Variants in TNXB observed in about 807,000 individuals in gnomAD.
TNXB encodes tenascin-X.
Under a neutral mutation model 340.5 loss-of-function variants are expected in TNXB, and 183 were observed. The ratio of observed to expected loss-of-function variants is 0.54; its 90% CI spans 0.48 to 0.61. TNXB has a LOEUF of 0.61. Among genes scored for constraint, TNXB ranks in the 20% least tolerant of loss-of-function variants. The pLI is 0.00. For missense variants in TNXB, 4,613 were observed against 5,446.4 expected, an observed-to-expected ratio of 0.85 and a Z score of 4.82; for synonymous variants, 2,121 against 2,314.5, an observed-to-expected ratio of 0.92 and a Z score of 2.40.
intron 19 of TNXB, among the ~76,000 whole-genome samples, chr6:32,063,922 T>C (rs1778173924): frequency 6.6e-6 from 1 of 152,250 alleles, no homozygotes; most frequent in Non-Finnish European, 1.5e-5. Flanking sequence ...AAAGTAATAG[T>C]ATCCATGTTA....
chr6:32,097,830 C>G lies in TNXB; in HGVS notation c.369G>C (p.Gly123=), dbSNP rs1409836922. ...LVKGLKEQCT[G]GCCPASAQAG... ...CTTGGGCAGAGGCAGGACAACATCC[C>G]CCAGTGCACTGTTCCTTGAGCCCCT... Residue 123 remains glycine (G), a synonymous_variant, in exon 2 of 44, where the codon GGG becomes GGC. Coordinates refer to ENST00000644971, the MANE Select transcript of TNXB (RefSeq NM_001365276.2). The surrounding 1 kb of genome is among the most constrained non-coding windows in gnomAD (Gnocchi z 5.9). 5 of 1,514,522 alleles carry G rather than the reference C, an allele frequency of 3.3e-6. No homozygotes were observed. The highest frequency in any genetic ancestry group is 4.4e-6 in the Non-Finnish European group (5 of 1,128,484). The allele number at this position is 1,514,522 out of a possible 1,614,324, so 93.8% of individuals were successfully genotyped here.
At position 32,042,851 on chromosome 6, in the gene TNXB, G is replaced by C; in HGVS notation, c.11926-20C>G. The C allele has an allele frequency of 6.1e-6, 3 of 487,850 alleles. No homozygotes were observed. Among genetic ancestry groups the C allele is most frequent in the Non-Finnish European group, 1.0e-5 (3 of 288,276 alleles). The allele number at this position is 487,850 out of a possible 1,614,324, so 30.2% of individuals were successfully genotyped here. ...GATCTCCTGTGGGACAGACAAGGGG[G>C]GGTCAGGGGAGAGGGAGGTGGAGAC... On this transcript the variant is annotated intron_variant, in intron 38 of 43. Coordinates refer to ENST00000644971, the MANE Select transcript of TNXB (RefSeq NM_001365276.2).
rs1355075529 is a variant in TNXB at position 32,073,187 on chromosome 6, G to C, written c.4681+460C>G. Among the ~76,000 whole-genome samples the C allele has an allele frequency of 6.6e-6, 1 of 152,076 alleles. No individual in the cohort carries two copies. The highest frequency in any genetic ancestry group is 3.2e-3 in the Middle Eastern group (1 of 316). ...GGAGAGATGAAAACTCTCCAGGGCT[G>C]GGATGGAATGCAGTGCAGGCAGGTG... is the stretch of plus-strand genomic sequence containing the variant. On this transcript the variant is annotated intron_variant, in intron 12 of 43. Transcript: ENST00000644971. This position sits in a 1 kb window ranked among gnomAD's most constrained non-coding sequence, Gnocchi z 4.6.
In TNXB at chr6:32,074,080, G is replaced by A. The variant is rs968029260; in HGVS notation, c.4376-128C>T. On this transcript the variant is annotated intron_variant, in intron 11 of 43. Transcript: ENST00000644971. This position sits in a 1 kb window ranked among gnomAD's most constrained non-coding sequence, Gnocchi z 5.5. Reference sequence around the variant, plus strand: ...CTCGCTGTCACCCAGAGCAGTGGGCGACCTCGGCTCACTGCAGCCTCTGCC... The same window carrying A: ...CTCGCTGTCACCCAGAGCAGTGGGCAACCTCGGCTCACTGCAGCCTCTGCC... 40 of 899,288 alleles carry A rather than the reference G, an allele frequency of 4.4e-5. No homozygotes were observed. The highest frequency in any genetic ancestry group is 5.6e-5 in the Non-Finnish European group (35 of 629,186). 55.7% of individuals were successfully genotyped at this position (899,288 alleles called of 1,614,324 possible). A position where few individuals can be genotyped will look rare whatever the true frequency, so the allele number is the denominator to read the frequency against.
In TNXB at chr6:32,098,106, A is replaced by T. The variant is rs1235484577; in HGVS notation, c.93T>A (p.Asn31Lys). The T allele has an allele frequency of 6.2e-7, 1 of 1,602,744 alleles. No homozygotes were observed. The highest frequency in any genetic ancestry group is 8.5e-7 in the Non-Finnish European group (1 of 1,175,026). Reference protein sequence around the residue: ...ARAGPFSSRSNVTLPAPRPPP... With the variant: ...ARAGPFSSRSKVTLPAPRPPP... ...GGGGCCGGGGGGCTGGCAGTGTCAC[A>T]TTGGACCGTGAAGAGAAGGGGCCTG... is the stretch of plus-strand genomic sequence containing the variant. The change falls in exon 2 of 44, where the codon AAT becomes AAA. Residue 31 changes from asparagine to lysine, a missense_variant. Coordinates refer to ENST00000644971, the MANE Select transcript of TNXB (RefSeq NM_001365276.2).
chr6:32,050,735 C>T (rs1777238881), intron 26 of TNXB, among the ~76,000 whole-genome samples: 1 of 152,140 alleles, frequency 6.6e-6, no homozygotes, highest in African/African-American at 2.4e-5. Context: ...CAGCCCCTCA[C>T]CAGCTGCCAG....
chr6:32,088,137 G>T (rs559304487), intron 6 of TNXB, among the ~76,000 whole-genome samples: 7 of 152,280 alleles, frequency 4.6e-5, no homozygotes, highest in African/African-American at 1.7e-4. Flanking sequence ...AGAACGGAGG[G>T]AAATCGGTCA....
intron 1 of TNXB, among the ~76,000 whole-genome samples, chr6:32,106,749 G>GGA (rs1308929337): frequency 6.6e-6 from 1 of 152,188 alleles, no homozygotes; most frequent in African/African-American, 2.4e-5. Flanking sequence ...CTCTCAGCCT[G>GGA]GAGTGTAGCC....
Position 32,092,702 on chromosome 6 carries a change from A to AAAG in TNXB, c.2358+2373_2358+2374insCTT, listed in dbSNP as rs1168501233. Among the ~76,000 whole-genome samples the AAAG allele has an allele frequency of 7.3e-5, 11 of 150,488 alleles. No individual in the cohort carries two copies. The East Asian group carries it at 1.9e-3, about 26-fold the overall frequency. Reference sequence around the variant, plus strand: ...CAAAACTCTGTCTCAAAAAAAAAAAAAAAGAAAGAAAGAAAAGAAAAGAAA... The same window carrying AAAG: ...CAAAACTCTGTCTCAAAAAAAAAAAAAAGAAAGAAAGAAAGAAAAGAAAAGAAA... On this transcript the variant is annotated intron_variant, in intron 4 of 43. Transcript: ENST00000644971.
intron 11 of TNXB, among the ~76,000 whole-genome samples, chr6:32,077,710 G>A (rs1420552228): frequency 6.6e-6 from 1 of 152,234 alleles, no homozygotes; most frequent in East Asian, 1.9e-4. Flanking sequence ...TTGCTGTAAA[G>A]TCACTCACTG....
intron 6 of TNXB, 130 bp from the exon 7 acceptor site, chr6:32,086,248 G>C: frequency 8.9e-7 from 1 of 1,127,944 alleles, no homozygotes; most frequent in East Asian, 2.6e-5. Context: ...TCCCTCACCT[G>C]GGCCACTCCC....
In TNXB at chr6:32,053,555, A is replaced by C; in HGVS notation, c.8624T>G (p.Leu2875Arg). The C allele has an allele frequency of 1.2e-6, 2 of 1,613,676 alleles. No individual in the cohort carries two copies. Among genetic ancestry groups the C allele is most frequent in the Non-Finnish European group, 1.7e-6 (2 of 1,179,862 alleles). Residue 2875 changes from leucine (L) to arginine (R), a missense_variant, in exon 25 of 44, where the codon CTG (leucine) becomes CGG (arginine). Leu to Arg is a moderately radical substitution (Grantham distance 102). Transcript: ENST00000644971. ...MVPEGQFDHF[L>R]VQYRNGDGQP... ...CCCATCCCCATTCCTGTACTGGACCAGGAAGTGGTCAAACTGGCCCTCGGG... is the reference window on the plus strand; with the variant it reads ...CCCATCCCCATTCCTGTACTGGACCCGGAAGTGGTCAAACTGGCCCTCGGG...
intron 21 of TNXB, among the ~76,000 whole-genome samples, chr6:32,059,572 C>T (rs1777889568): frequency 6.6e-6 from 1 of 151,906 alleles, no homozygotes; most frequent in Admixed American, 6.6e-5. Flanking sequence ...CTGTGGTTCC[C>T]CACAGTGGAG....
rs1297400932 is a variant in TNXB at position 32,053,664 on chromosome 6, G to A, written c.8515C>T (p.Pro2839Ser). 2 of 1,613,148 alleles carry A rather than the reference G, an allele frequency of 1.2e-6. No individual in the cohort carries two copies. The highest frequency in any genetic ancestry group is 1.7e-5 in the Admixed American group (1 of 60,002). Residue 2839 changes from proline (P) to serine (S), a missense_variant, in exon 25 of 44, where the codon CCT (proline) becomes TCT (serine). Pro to Ser is a moderately conservative substitution (Grantham distance 74, BLOSUM62 -1). This residue lies in a region of TNXB where 4,327 missense variants were observed against 4,859.4 expected (regional missense o/e 0.89). Coordinates refer to ENST00000644971, the MANE Select transcript of TNXB (RefSeq NM_001365276.2). ...AGGCGAGGCTTGTTGGGGGGCTCAG[G>A]GGTTGTGGTGGGCACTGCTTGGGTG... ...ETTQAVPTTT[P>S]EPPNKPRLGE...
Position 32,084,449 on chromosome 6 carries a change from T to C in TNXB, c.3409A>G (p.Lys1137Glu), listed in dbSNP as rs770173982. 1 of 1,597,764 alleles carries C rather than the reference T, an allele frequency of 6.3e-7. No individual in the cohort carries two copies. The highest frequency in any genetic ancestry group is 8.5e-7 in the Non-Finnish European group (1 of 1,170,638). The change falls in exon 8 of 44, where the codon AAG becomes GAG. Residue 1137 changes from lysine (K) to glutamate (E), a missense_variant. Lys to Glu is a moderately conservative substitution (Grantham distance 56). Coordinates refer to ENST00000644971, the MANE Select transcript of TNXB (RefSeq NM_001365276.2). The surrounding 1 kb of genome is among the most constrained non-coding windows in gnomAD (Gnocchi z 5.5). ...KFVLYGFVGK[K>E]RHGPLVAEAK... is the part of the protein sequence containing the mutation. Reference sequence around the variant, plus strand: ...TCAGCCACCAGCGGACCATGCCTCTTCTTGCCAACAAACCCATACAGGACA... The same window carrying C: ...TCAGCCACCAGCGGACCATGCCTCTCCTTGCCAACAAACCCATACAGGACA...
chr6:32,065,064 T>A lies in TNXB; in HGVS notation c.6598A>T (p.Met2200Leu). The A allele has an allele frequency of 6.2e-7, 1 of 1,603,090 alleles. No homozygotes were observed. The highest frequency in any genetic ancestry group is 8.5e-7 in the Non-Finnish European group (1 of 1,175,496). The change falls in exon 19 of 44, where the codon ATG becomes TTG. Residue 2200 changes from methionine to leucine, a missense_variant. This residue lies in a region of TNXB where 4,327 missense variants were observed against 4,859.4 expected (regional missense o/e 0.89). Transcript: ENST00000644971. ...TCGGAGGTGATGTCTCTCACTGTCA[T>A]CTGCCCTAGGCGCAGCTTTGCAAGA... ...APLAKLRLGQMTVRDITSDSL... is the reference protein window; with the variant it reads ...APLAKLRLGQLTVRDITSDSL...
intron 1 of TNXB, among the ~76,000 whole-genome samples, chr6:32,101,587 C>CATTTT: frequency 7.6e-6 from 1 of 131,912 alleles, no homozygotes; most frequent in African/African-American, 3.0e-5. Flanking sequence ...CCGCACCCAG[C>CATTTT]CTTTTTTTTT....
At chr6:32,094,269 C>T (rs1780213884) in intron 4 of TNXB, among the ~76,000 whole-genome samples, 2 of 150,156 alleles carry the variant, frequency 1.3e-5, no homozygotes, top group African/African-American at 4.9e-5. Context: ...TGAACAGGGC[C>T]AAATGCAAAG....
rs903351980 is a variant in TNXB at position 32,080,182 on chromosome 6, T to A, written c.4043-817A>T. On this transcript the variant is annotated intron_variant, in intron 10 of 43. Coordinates refer to ENST00000644971, the MANE Select transcript of TNXB (RefSeq NM_001365276.2). This position sits in a 1 kb window ranked among gnomAD's most constrained non-coding sequence, Gnocchi z 4.3. Reference sequence around the variant, plus strand: ...AAATGCTTTGCTGCTCCAAGCACTATTCTAAGTGTGTGGGCTTTTTTTGTT... The same window carrying A: ...AAATGCTTTGCTGCTCCAAGCACTAATCTAAGTGTGTGGGCTTTTTTTGTT... Among the ~76,000 whole-genome samples, 1 of 150,938 alleles carries A rather than the reference T, an allele frequency of 6.6e-6. No individual in the cohort carries two copies. Among genetic ancestry groups the A allele is most frequent in the Non-Finnish European group, 1.5e-5 (1 of 67,878 alleles).
Sources: gnomAD v4.1 joint callset for allele counts (sites outside exome capture counted in the v4.1 genomes callset) on GRCh38, gnomAD v4.1.1 for gene constraint, gnomAD v4.1.1 regional missense constraint, Gnocchi (gnomAD v3.1) non-coding constraint, MANE v1.5 for transcripts, NCBI Gene and HGNC (gene_info 2026-07-23, HGNC 2026-07-21) for gene names.